The following MYO16 variants were observed in gnomAD, a reference collection of about 807,000 sequenced individuals.
MYO16 encodes myosin XVI.
Under a neutral mutation model 205.3 loss-of-function variants are expected in MYO16, and 94 were observed. The observed-to-expected ratio is 0.46, with a 90% CI of 0.39 to 0.54. The LOEUF is 0.54. MYO16 is among the 20% of genes least tolerant of loss of function. MYO16 has a pLI of 0.00. For missense variants in MYO16, 2,315 were observed against 2,387.5 expected, an observed-to-expected ratio of 0.97 and a Z score of 0.63; for synonymous variants, 988 against 954.0, an observed-to-expected ratio of 1.04 and a Z score of -0.66.
In MYO16 at chr13:108,949,621, G is replaced by A. The variant is rs117851815; in HGVS notation, c.1926-8067G>A. On this transcript the variant is annotated intron_variant, in intron 16 of 34. Transcript: ENST00000457511. The stretch of plus-strand genomic sequence containing the variant: ...ATCCCTAAGGTGATTTATAGGTTTA[G>A]TGTAATTCCTGTTAAAATCTTAACA... Among the ~76,000 whole-genome samples, 298 of 152,242 alleles carry A rather than the reference G, an allele frequency of 2.0e-3. 1 individual carries two copies. In the East Asian group the frequency reaches 0.024, roughly 12 times the overall value.
At chr13:109,054,948 T>C in intron 25 of MYO16, 98 bp from the exon 26 acceptor site, 1 of 622,036 alleles carries the variant, frequency 1.6e-6, no homozygotes, top group Non-Finnish European at 2.7e-6. Flanking sequence ...CCTTTCTCCC[T>C]CCCTTCCCTT....
chr13:109,008,649 G>A (rs1475115452), intron 21 of MYO16, among the ~76,000 whole-genome samples: 10 of 95,326 alleles, frequency 1.0e-4, no homozygotes, highest in Admixed American at 3.2e-4. Context: ...CTACTGTACT[G>A]TCTATCTTGT....
At chr13:108,538,808 T>A in the MYO16 span, among the ~76,000 whole-genome samples, 1 of 152,092 alleles carries the variant, frequency 6.6e-6, no homozygotes, top group Non-Finnish European at 1.5e-5. Context: ...AATTCTCACA[T>A]GGCACTCTAA....
At chr13:109,111,755 C>T (rs1393491646) in intron 28 of MYO16, among the ~76,000 whole-genome samples, 1 of 151,464 alleles carries the variant, frequency 6.6e-6, no homozygotes, top group African/African-American at 2.4e-5. Context: ...GGCACAATCT[C>T]AGCTCACTGC....
chr13:108,975,019 A>G (rs1018516796), intron 20 of MYO16, among the ~76,000 whole-genome samples: 1 of 152,144 alleles, frequency 6.6e-6, no homozygotes, highest in African/African-American at 2.4e-5. Flanking sequence ...TTCAAATTTC[A>G]TCTCATAGGT....
intron 1 of MYO16, among the ~76,000 whole-genome samples, chr13:108,620,342 C>T (rs187459547): frequency 6.6e-6 from 1 of 152,018 alleles, no homozygotes; most frequent in Non-Finnish European, 1.5e-5. Flanking sequence ...ATAACACTAA[C>T]GTATTTATTT....
intron 21 of MYO16, among the ~76,000 whole-genome samples, chr13:108,993,229 A>C (rs1221593797): frequency 1.3e-5 from 2 of 152,172 alleles, no homozygotes; most frequent in African/African-American, 4.8e-5. Flanking sequence ...AAACAATTAA[A>C]TAGAATGTGT....
chr13:108,900,666 G>A (rs1267554835), intron 15 of MYO16, among the ~76,000 whole-genome samples: 2 of 151,942 alleles, frequency 1.3e-5, no homozygotes, highest in East Asian at 1.9e-4. Flanking sequence ...CTACATCTTC[G>A]AGGAGGATGT....
intron 15 of MYO16, among the ~76,000 whole-genome samples, chr13:108,899,542 C>T (rs1444879698): frequency 1.3e-5 from 2 of 152,146 alleles, no homozygotes; most frequent in Non-Finnish European, 2.9e-5. Flanking sequence ...AAACCCATGG[C>T]TTAGAGTTCT....
At chr13:108,679,598 G>T (rs1882373118) in intron 2 of MYO16, among the ~76,000 whole-genome samples, 1 of 151,526 alleles carries the variant, frequency 6.6e-6, no homozygotes, top group South Asian at 2.1e-4. Context: ...TTTTGCATCT[G>T]GTTTATTGCA....
intron 32 of MYO16, among the ~76,000 whole-genome samples, chr13:109,164,392 T>C (rs1255719022): frequency 6.6e-6 from 1 of 152,242 alleles, no homozygotes. Context: ...CATATTTAAG[T>C]AATTATCTTA....
intron 33 of MYO16, among the ~76,000 whole-genome samples, chr13:109,178,231 C>T (rs1220914782): frequency 6.6e-6 from 1 of 152,138 alleles, no homozygotes; most frequent in Non-Finnish European, 1.5e-5. Flanking sequence ...ACTATTGCCA[C>T]GTAGCACCTG....
At chr13:109,191,230 A>C (rs934601865) in intron 34 of MYO16, among the ~76,000 whole-genome samples, 2 of 152,046 alleles carry the variant, frequency 1.3e-5, no homozygotes, top group Non-Finnish European at 2.9e-5. Flanking sequence ...GAAAAAAAAA[A>C]AATTGAATTT....
At chr13:108,995,542 A>G (rs1174830943) in intron 21 of MYO16, among the ~76,000 whole-genome samples, 1 of 151,660 alleles carries the variant, frequency 6.6e-6, no homozygotes, top group African/African-American at 2.4e-5. Context: ...GCCCCCATCA[A>G]CTCGTCATTT....
At chr13:108,981,400 G>A (rs914123214) in intron 20 of MYO16, among the ~76,000 whole-genome samples, 1 of 152,246 alleles carries the variant, frequency 6.6e-6, no homozygotes, top group Non-Finnish European at 1.5e-5. Context: ...TCCATGCCAT[G>A]TACAATATAA....
chr13:109,110,452 T>G (rs1445461804), intron 28 of MYO16, among the ~76,000 whole-genome samples: 1 of 152,256 alleles, frequency 6.6e-6, no homozygotes, highest in African/African-American at 2.4e-5. Context: ...TAATTTTTCT[T>G]AAACTATAAT....
chr13:108,963,465 C>T (rs560320135), intron 19 of MYO16, among the ~76,000 whole-genome samples: 5 of 152,332 alleles, frequency 3.3e-5, no homozygotes, highest in African/African-American at 1.2e-4. Context: ...ACTGCCTTCC[C>T]TTCATTTTCA....
At chr13:109,142,701 G>A (rs1031963756) in intron 32 of MYO16, among the ~76,000 whole-genome samples, 1 of 152,062 alleles carries the variant, frequency 6.6e-6, no homozygotes, top group Admixed American at 6.5e-5. Flanking sequence ...GCACAGGAGT[G>A]TGATCTTTTA....
In MYO16 at chr13:108,649,361, T is replaced by C. The variant is rs146449693; in HGVS notation, c.29-16525T>C. Among the ~76,000 whole-genome samples the C allele has an allele frequency of 6.4e-4, 98 of 152,308 alleles. No individual in the cohort carries two copies. The East Asian group carries it at 0.015, about 23-fold the overall frequency. On this transcript the variant is annotated intron_variant, in intron 1 of 34. Transcript: ENST00000457511. ...TATGGTGGGCTCAGCCCAGTTCAGA[T>C]TTCCAGTCCCGTGGGCAGTTGACTT...
Sources: gnomAD v4.1 joint callset for allele counts (sites outside exome capture counted in the v4.1 genomes callset) on GRCh38, gnomAD v4.1.1 for gene constraint, MANE v1.5 for transcripts, NCBI Gene and HGNC (gene_info 2026-07-23, HGNC 2026-07-21) for gene names.